Variants in ARHGAP15 observed in about 807,000 individuals in gnomAD.
The protein encoded by ARHGAP15 is rho GTPase-activating protein 15.
A neutral mutation model predicts 63.7 loss-of-function variants in ARHGAP15; 51 were observed. The observed-to-expected ratio is 0.80, with a 90% CI of 0.64 to 1.01. ARHGAP15 has a LOEUF of 1.01. Among genes scored for constraint, ARHGAP15 ranks in the 50% least tolerant of loss-of-function variants. ARHGAP15 has a pLI of 0.00. For synonymous variants in ARHGAP15, 191 were observed against 193.8 expected (o/e 0.99, Z 0.12); for missense variants, 560 against 564.6 (o/e 0.99, Z 0.08).
At chr2:143,565,420 G>T (rs1696182756) in intron 11 of ARHGAP15, among the ~76,000 whole-genome samples, 1 of 152,112 alleles carries the variant, frequency 6.6e-6, no homozygotes, top group Admixed American at 6.5e-5. Flanking sequence ...GCATGGCAAA[G>T]TGCCTGCCAC....
At chr2:143,678,904 A>G (rs566558702) in intron 12 of ARHGAP15, among the ~76,000 whole-genome samples, 2 of 152,236 alleles carry the variant, frequency 1.3e-5, no homozygotes, top group Non-Finnish European at 1.5e-5. Flanking sequence ...AATAATATCT[A>G]TGAAAGCATA....
intron 6 of ARHGAP15, among the ~76,000 whole-genome samples, chr2:143,313,222 G>A (rs770208813): frequency 3.2e-4 from 49 of 152,216 alleles, no homozygotes; most frequent in Non-Finnish European, 6.5e-4. Flanking sequence ...TAAACAGGAA[G>A]TCCACTGCAC....
At chr2:143,256,555 T>C (rs1195325310) in intron 6 of ARHGAP15, among the ~76,000 whole-genome samples, 1 of 151,974 alleles carries the variant, frequency 6.6e-6, no homozygotes, top group Non-Finnish European at 1.5e-5. Flanking sequence ...TAATAGAAAC[T>C]TGCAAAAGGT....
At chr2:143,267,232 AGTT>A (rs1044079430) in intron 6 of ARHGAP15, among the ~76,000 whole-genome samples, 3 of 152,162 alleles carry the variant, frequency 2.0e-5, no homozygotes, top group African/African-American at 7.2e-5. Context: ...GGTTTGCCAT[AGTT>A]GTTGTTGCTG....
At chr2:143,538,936 T>A (rs956019677) in intron 10 of ARHGAP15, among the ~76,000 whole-genome samples, 7 of 152,170 alleles carry the variant, frequency 4.6e-5, no homozygotes, top group South Asian at 4.1e-4. Flanking sequence ...TCTTGATTGG[T>A]ATAGTTTCAG....
intron 12 of ARHGAP15, among the ~76,000 whole-genome samples, chr2:143,660,557 T>C (rs932671007): frequency 5.9e-5 from 9 of 152,202 alleles, no homozygotes; most frequent in Non-Finnish European, 1.0e-4. Context: ...ACTTTATGAA[T>C]TATTAGGAGA....
intron 5 of ARHGAP15, among the ~76,000 whole-genome samples, chr2:143,242,579 C>A (rs576297122): frequency 1.3e-4 from 20 of 152,270 alleles, no homozygotes; most frequent in African/African-American, 4.3e-4. Context: ...CATTCTAGTG[C>A]CCACAATCAC....
In ARHGAP15 at chr2:143,286,399, A is replaced by G. The variant is rs901191275; in HGVS notation, c.474+35799A>G. ...TTTTACACACATAAAATACATGAGA[A>G]CAAGGTAAATGGAACAATTCTAAGT... On this transcript the variant is annotated intron_variant, in intron 6 of 13. Coordinates refer to ENST00000295095, the MANE Select transcript of ARHGAP15 (RefSeq NM_018460.4). 3.3e-5 allele frequency among the ~76,000 whole-genome samples: 5 copies of G among 152,246 alleles called. No homozygotes were observed. In the East Asian group the frequency reaches 9.6e-4, roughly 29 times the overall value.
At position 143,627,434 on chromosome 2, in the gene ARHGAP15, T is replaced by A. The variant is rs189487102; in HGVS notation, c.1138+3167T>A. On this transcript the variant is annotated intron_variant, in intron 12 of 13. Transcript: ENST00000295095. ...GTTGTAATTCATATTTAAATATTCTTAAGCAATGAGAGAATGGCCACCTAG... is the reference window on the plus strand; with the variant it reads ...GTTGTAATTCATATTTAAATATTCTAAAGCAATGAGAGAATGGCCACCTAG... Among the ~76,000 whole-genome samples the A allele has an allele frequency of 2.8e-4, 43 of 152,280 alleles. No homozygotes were observed. In the East Asian group the frequency reaches 7.5e-3, roughly 27 times the overall value.
At chr2:143,421,825 T>C (rs571182901) in intron 6 of ARHGAP15, among the ~76,000 whole-genome samples, 43 of 150,280 alleles carry the variant, frequency 2.9e-4, no homozygotes, top group African/African-American at 1.0e-3. Context: ...TATTATACAT[T>C]GAATAATAGA....
At chr2:143,276,056 G>A (rs373765611) in intron 6 of ARHGAP15, among the ~76,000 whole-genome samples, 1 of 152,162 alleles carries the variant, frequency 6.6e-6, no homozygotes, top group Non-Finnish European at 1.5e-5. Flanking sequence ...GACTTCCATA[G>A]CGAGAATCGT....
At chr2:143,717,489 C>T (rs1442649565) in intron 13 of ARHGAP15, among the ~76,000 whole-genome samples, 3 of 152,164 alleles carry the variant, frequency 2.0e-5, no homozygotes, top group Non-Finnish European at 2.9e-5. Context: ...TCCAGACCTC[C>T]GTCTTTTGAA....
At position 143,519,342 on chromosome 2, in the gene ARHGAP15, C is replaced by T. The variant is rs754379541; in HGVS notation, c.903C>T (p.Cys301=). 8.7e-6 allele frequency: 14 copies of T among 1,612,794 alleles called. No individual in the cohort carries two copies. The highest frequency in any genetic ancestry group is 1.2e-5 in the Non-Finnish European group (14 of 1,178,992). Reference sequence around the variant, plus strand: ...CAGTTCCGTGGTTTGTAAAGCAATGCATTGAAGCTGTTGAGAAAAGAGGTG... The same window carrying T: ...CAGTTCCGTGGTTTGTAAAGCAATGTATTGAAGCTGTTGAGAAAAGAGGTG... ...NSTVPWFVKQ[C]IEAVEKRGLD... The change falls in exon 10 of 14, where the codon TGC becomes TGT. Residue 301 remains cysteine (C), a synonymous_variant. Coordinates refer to ENST00000295095, the MANE Select transcript of ARHGAP15 (RefSeq NM_018460.4).
intron 1 of ARHGAP15, among the ~76,000 whole-genome samples, chr2:143,130,095 A>G (rs1386384171): frequency 4.6e-5 from 7 of 152,244 alleles, no homozygotes; most frequent in Non-Finnish European, 1.5e-5. Flanking sequence ...GCAAACTTTT[A>G]TATTTAAAAA....
At chr2:143,171,353 C>A (rs1305495513) in intron 2 of ARHGAP15, among the ~76,000 whole-genome samples, 1 of 152,134 alleles carries the variant, frequency 6.6e-6, no homozygotes, top group East Asian at 1.9e-4. Context: ...TTCTGTTGCT[C>A]TTCGTCTTTG....
chr2:143,356,920 C>T (rs1023666923), intron 6 of ARHGAP15, among the ~76,000 whole-genome samples: 3 of 152,158 alleles, frequency 2.0e-5, no homozygotes, highest in East Asian at 3.9e-4. Context: ...ACACGCCATC[C>T]GTCAATTTAT....
intron 11 of ARHGAP15, among the ~76,000 whole-genome samples, chr2:143,620,253 G>C (rs768929822): frequency 2.6e-5 from 4 of 152,138 alleles, no homozygotes; most frequent in Non-Finnish European, 4.4e-5. Context: ...GGTAAATCCA[G>C]TCCTGGAGTG....
chr2:143,315,179 A>G (rs1214379977), intron 6 of ARHGAP15, among the ~76,000 whole-genome samples: 1 of 152,172 alleles, frequency 6.6e-6, no homozygotes, highest in Non-Finnish European at 1.5e-5. Context: ...TCAGCCTTTC[A>G]TAAAACAGAT....
chr2:143,330,481 ATG>A (rs2105256649), intron 6 of ARHGAP15, among the ~76,000 whole-genome samples: 1 of 152,332 alleles, frequency 6.6e-6, no homozygotes, highest in South Asian at 2.1e-4. Flanking sequence ...ATAAGTAGCC[ATG>A]TATGATTCCT....
Sources: allele counts gnomAD v4.1 joint callset (sites outside exome capture counted in the v4.1 genomes callset), GRCh38; gene constraint gnomAD v4.1.1; transcripts MANE v1.5; gene names NCBI Gene and HGNC (gene_info 2026-07-23, HGNC 2026-07-21).